The following WDR7 variants were observed in gnomAD, a reference collection of about 807,000 sequenced individuals.
WDR7 encodes the protein WD repeat domain 7.
WDR7 carries 46 observed loss-of-function variants against 169.4 expected under a neutral mutation model. That is an observed-to-expected ratio of 0.27 (90% CI 0.21 to 0.35). The LOEUF is 0.35. Ranked by LOEUF, WDR7 falls within the 10% of genes least tolerant of loss-of-function variation. The probability of loss-of-function intolerance (pLI) is 1.00; values close to 1 mark genes in which losing one functional copy is unlikely to be tolerated. For missense variants in WDR7, 1,534 were observed against 1,859.3 expected (o/e 0.83, Z 3.22); for synonymous variants, 612 against 666.8 (o/e 0.92, Z 1.27).
In WDR7 at chr18:56,672,633, G is replaced by A. The variant is rs150866703; in HGVS notation, c.118G>A (p.Asp40Asn). Residue 40 changes from aspartate to asparagine, a missense_variant, in exon 2 of 28, where the codon GAC (aspartate) becomes AAC (asparagine). By Grantham distance (23) the Asp-to-Asn change is conservative (BLOSUM62 1). Coordinates refer to ENST00000254442, the MANE Select transcript of WDR7 (RefSeq NM_015285.3). ...GGCCACGATCGTAACAGGATGTCAC[G>A]ACGGACAAATATGTCTCTGGGATCT... ...DGATIVTGCH[D>N]GQICLWDLSV... 3 of 1,612,414 alleles carry A rather than the reference G, an allele frequency of 1.9e-6. No individual in the cohort carries two copies. Among genetic ancestry groups the A allele is most frequent in the South Asian group, 1.1e-5 (1 of 90,852 alleles).
intron 20 of WDR7, among the ~76,000 whole-genome samples, chr18:56,845,261 G>GA (rs1224532219): frequency 2.0e-5 from 3 of 152,048 alleles, no homozygotes; most frequent in Non-Finnish European, 4.4e-5. Flanking sequence ...GGTTGTATAT[G>GA]AAAAGTTGCA....
chr18:56,818,881 T>A (rs2045030851), intron 20 of WDR7, among the ~76,000 whole-genome samples: 1 of 152,208 alleles, frequency 6.6e-6, no homozygotes, highest in South Asian at 2.1e-4. Flanking sequence ...ATTGTTCTAA[T>A]ATTTCTTCAT....
At chr18:56,766,595 G>T (rs2044071444) in intron 16 of WDR7, among the ~76,000 whole-genome samples, 1 of 151,762 alleles carries the variant, frequency 6.6e-6, no homozygotes, top group African/African-American at 2.4e-5. Flanking sequence ...TCGCTATGTT[G>T]CCTAGGTTGG....
intron 19 of WDR7, among the ~76,000 whole-genome samples, chr18:56,804,695 A>C (rs1234007620): frequency 6.6e-6 from 1 of 152,200 alleles, no homozygotes; most frequent in East Asian, 1.9e-4. Flanking sequence ...ACTGTGTTAG[A>C]CAATCTAAGT....
chr18:56,756,502 CTGAT>C (rs2043891542), intron 14 of WDR7, 77 bp from the exon 15 acceptor site: 2 of 1,213,428 alleles, frequency 1.6e-6, no homozygotes, highest in Non-Finnish European at 2.2e-6. Context: ...GTTAATTCCT[CTGAT>C]TATTTATTGT....
At chr18:56,943,149 A>C (rs1197466798) in intron 25 of WDR7, among the ~76,000 whole-genome samples, 9 of 152,228 alleles carry the variant, frequency 5.9e-5, no homozygotes, top group African/African-American at 2.2e-4. Context: ...ACATATCAGT[A>C]GGAGTTAAAA....
At chr18:56,775,359 C>T (rs149727309) in intron 16 of WDR7, among the ~76,000 whole-genome samples, 11 of 152,124 alleles carry the variant, frequency 7.2e-5, no homozygotes, top group African/African-American at 2.2e-4. Context: ...CAAGGCTTAC[C>T]AACTTTTTGC....
At position 56,756,730 on chromosome 18, in the gene WDR7, G is replaced by A. The variant is rs2043896945; in HGVS notation, c.2137G>A (p.Ala713Thr). ...LTEEASRPNT[A>T]LISPENLQKA... is the part of the protein sequence containing the mutation. ...TGAAGAAGCCTCTAGGCCGAATACT[G>A]CTCTTATTTCCCCAGAGAATTTGCA... The change falls in exon 15 of 28, where the codon GCT becomes ACT. Residue 713 changes from alanine to threonine, a missense_variant. Ala to Thr is a moderately conservative substitution (Grantham distance 58). Coordinates refer to ENST00000254442, the MANE Select transcript of WDR7 (RefSeq NM_015285.3). 1 of 1,614,084 alleles carries A rather than the reference G, an allele frequency of 6.2e-7. No individual in the cohort carries two copies. Among genetic ancestry groups the A allele is most frequent in the South Asian group, 1.1e-5 (1 of 91,084 alleles).
intron 18 of WDR7, among the ~76,000 whole-genome samples, chr18:56,780,536 AG>A (rs2044302485): frequency 6.6e-6 from 1 of 152,168 alleles, no homozygotes; most frequent in African/African-American, 2.4e-5. Flanking sequence ...AAGAGTTAAT[AG>A]GCCGGGTGAT....
intron 20 of WDR7, among the ~76,000 whole-genome samples, chr18:56,830,119 G>A (rs1277423846): frequency 2.0e-5 from 3 of 152,186 alleles, no homozygotes; most frequent in Non-Finnish European, 4.4e-5. Context: ...AAGAAAAAGT[G>A]AGATGCAGTA....
intron 19 of WDR7, among the ~76,000 whole-genome samples, chr18:56,805,848 T>C (rs995724466): frequency 6.6e-6 from 1 of 152,128 alleles, no homozygotes; most frequent in Non-Finnish European, 1.5e-5. Flanking sequence ...AGTACCCTGT[T>C]TCTCATTGCC....
chr18:56,954,252 T>A (rs1405714243), intron 25 of WDR7, among the ~76,000 whole-genome samples: 3 of 152,240 alleles, frequency 2.0e-5, no homozygotes, highest in African/African-American at 7.2e-5. Context: ...TCGGAAGTTA[T>A]GTTGGTATTT....
chr18:56,904,622 A>G (rs551976707), intron 21 of WDR7, among the ~76,000 whole-genome samples: 5 of 152,176 alleles, frequency 3.3e-5, no homozygotes, highest in South Asian at 2.1e-4. Context: ...CCTGCTTTCC[A>G]CATGTGGAAA....
rs186773611 is a variant in WDR7 at position 56,728,042 on chromosome 18, G to A, written c.1775-3341G>A. ...TTTCTGGCCAGTCGTTTTATAAAAT[G>A]TTTCCCAATTTCCGTTTATCTGATG... On this transcript the variant is annotated intron_variant, in intron 13 of 27. Coordinates refer to ENST00000254442, the MANE Select transcript of WDR7 (RefSeq NM_015285.3). Among the ~76,000 whole-genome samples, 7 of 152,206 alleles carry A rather than the reference G, an allele frequency of 4.6e-5. No individual in the cohort carries two copies. In the East Asian group the frequency reaches 9.7e-4, roughly 21 times the overall value.
At chr18:56,753,113 C>T (rs1021115493) in intron 14 of WDR7, 4 of 151,996 alleles carry the variant, frequency 2.6e-5, no homozygotes, top group African/African-American at 7.2e-5. Context: ...TAGAAAGAAA[C>T]GTGGTCAGAT....
intron 20 of WDR7, among the ~76,000 whole-genome samples, chr18:56,828,943 A>G (rs1193275930): frequency 6.6e-6 from 1 of 152,016 alleles, no homozygotes; most frequent in African/African-American, 2.4e-5. Context: ...CCCTTTATAT[A>G]AACCTTATAA....
chr18:56,926,859 G>T (rs11663042), intron 22 of WDR7, among the ~76,000 whole-genome samples: 3 of 152,156 alleles, frequency 2.0e-5, no homozygotes, highest in African/African-American at 7.2e-5. Context: ...CTCGGCAGAG[G>T]GTGCAGAGCC....
At chr18:56,938,999 T>A (rs1405196217) in intron 24 of WDR7, among the ~76,000 whole-genome samples, 1 of 152,176 alleles carries the variant, frequency 6.6e-6, no homozygotes, top group East Asian at 1.9e-4. Flanking sequence ...ATGTTCCCTT[T>A]GACATCTTTC....
chr18:56,690,584 G>A (rs766752657), intron 7 of WDR7, among the ~76,000 whole-genome samples: 2 of 152,150 alleles, frequency 1.3e-5, no homozygotes, highest in Non-Finnish European at 2.9e-5. Context: ...GGAGGCCAGG[G>A]TGGGAGGATC....
Sources: allele counts gnomAD v4.1 joint callset (sites outside exome capture counted in the v4.1 genomes callset), GRCh38; gene constraint gnomAD v4.1.1; transcripts MANE v1.5; gene names NCBI Gene and HGNC (gene_info 2026-07-23, HGNC 2026-07-21).